Variants in MTHFD1L observed in about 807,000 individuals in gnomAD.
The protein encoded by MTHFD1L is methylenetetrahydrofolate dehydrogenase (NADP+ dependent) 1 like.
A neutral mutation model predicts 119.5 loss-of-function variants in MTHFD1L; 81 were observed. The observed-to-expected ratio is 0.68, with a 90% CI of 0.57 to 0.82. The LOEUF (loss-of-function observed/expected upper bound fraction) is 0.82, where lower values mean the gene tolerates loss of function less well. Ranked by LOEUF, MTHFD1L falls within the 40% of genes least tolerant of loss-of-function variation. The pLI is 0.00. For synonymous variants in MTHFD1L, 430 were observed against 475.2 expected (o/e 0.90, Z 1.24); for missense variants, 1,125 against 1,253.4 (o/e 0.90, Z 1.55).
At chr6:151,021,986 T>C (rs1416247956) in intron 24 of MTHFD1L, 1 of 470,936 alleles carries the variant, frequency 2.1e-6, no homozygotes, top group Non-Finnish European at 4.4e-6. Flanking sequence ...GACAGGATAG[T>C]GTTTGTTTTT....
intron 20 of MTHFD1L, among the ~76,000 whole-genome samples, chr6:150,977,527 A>G (rs963881660): frequency 6.6e-6 from 1 of 152,244 alleles, no homozygotes; most frequent in Non-Finnish European, 1.5e-5. Context: ...GATATTTGGC[A>G]TCGAATTCTA....
chr6:151,015,563 G>T lies in MTHFD1L; in HGVS notation c.2456G>T (p.Arg819Leu). Residue 819 changes from arginine (R) to leucine (L), a missense_variant, in exon 24 of 28, where the codon CGG becomes CTG. By Grantham distance (102) the Arg-to-Leu change is moderately radical. This residue lies in a region of MTHFD1L where 1,058 missense variants were observed against 1,151.2 expected (regional missense o/e 0.92). Coordinates refer to ENST00000367321, the MANE Select transcript of MTHFD1L (RefSeq NM_015440.5). ...GACTTGGTGTGTGAGCTTGCAAAGC[G>T]GGCTGGTGCCTTTGATGCAGTCCCC... is the stretch of plus-strand genomic sequence containing the variant. ...EIDLVCELAK[R>L]AGAFDAVPCY... 1 of 1,614,110 alleles carries T rather than the reference G, an allele frequency of 6.2e-7. No individual in the cohort carries two copies. Among genetic ancestry groups the T allele is most frequent in the East Asian group, 2.2e-5 (1 of 44,878 alleles).
chr6:150,996,168 C>G (rs563586463), intron 20 of MTHFD1L, among the ~76,000 whole-genome samples: 3 of 152,120 alleles, frequency 2.0e-5, no homozygotes, highest in Admixed American at 2.0e-4. Context: ...GAACAGGCAG[C>G]AGGGTGCCTT....
At chr6:150,942,489 A>G (rs1045924812) in intron 13 of MTHFD1L, among the ~76,000 whole-genome samples, 4 of 152,178 alleles carry the variant, frequency 2.6e-5, no homozygotes, top group Non-Finnish European at 4.4e-5. Flanking sequence ...AAATAAATTC[A>G]TTTTTAGTGT....
At chr6:151,086,862 GC>G (rs1263716175) in intron 26 of MTHFD1L, among the ~76,000 whole-genome samples, 1 of 152,090 alleles carries the variant, frequency 6.6e-6, no homozygotes, top group Non-Finnish European at 1.5e-5. Flanking sequence ...ATATTGCCAG[GC>G]ACCGTGTTAA....
At chr6:151,041,122 A>G (rs1305419658) in intron 26 of MTHFD1L, among the ~76,000 whole-genome samples, 1 of 152,176 alleles carries the variant, frequency 6.6e-6, no homozygotes, top group Admixed American at 6.5e-5. Flanking sequence ...GGGCATGAGG[A>G]AGGGAGTGGT....
At chr6:151,100,509 C>T (rs947650289) in intron 27 of MTHFD1L, among the ~76,000 whole-genome samples, 1 of 152,130 alleles carries the variant, frequency 6.6e-6, no homozygotes, top group Non-Finnish European at 1.5e-5. Flanking sequence ...CGCAGGATTT[C>T]AGCAGAGTTT....
At chr6:150,902,984 A>G (rs116123755) in intron 7 of MTHFD1L, among the ~76,000 whole-genome samples, 1 of 152,150 alleles carries the variant, frequency 6.6e-6, no homozygotes, top group Admixed American at 6.5e-5. Flanking sequence ...AAGCTTAAAC[A>G]TTTGTATTTC....
At chr6:151,052,543 G>A (rs1432235507) in intron 26 of MTHFD1L, among the ~76,000 whole-genome samples, 1 of 152,206 alleles carries the variant, frequency 6.6e-6, no homozygotes, top group Non-Finnish European at 1.5e-5. Context: ...TATGACTCAG[G>A]CAGGGTGGCA....
At chr6:151,018,039 G>A (rs903540430) in intron 24 of MTHFD1L, among the ~76,000 whole-genome samples, 4 of 152,002 alleles carry the variant, frequency 2.6e-5, no homozygotes, top group Non-Finnish European at 5.9e-5. Context: ...GAAGACCTGA[G>A]CTTCCCAGGG....
At chr6:151,015,722 A>G (rs1403131918) in intron 24 of MTHFD1L, 29 bp downstream of exon 24, 3 of 1,606,560 alleles carry the variant, frequency 1.9e-6, no homozygotes, top group Admixed American at 3.4e-5. Flanking sequence ...AATGGCTCAC[A>G]TTTCTTACAC....
chr6:151,096,109 C>T (rs1200038082), intron 27 of MTHFD1L, among the ~76,000 whole-genome samples: 2 of 152,098 alleles, frequency 1.3e-5, no homozygotes, highest in Non-Finnish European at 2.9e-5. Context: ...GAACTTTGGC[C>T]CATTCCGAAA....
At chr6:151,013,169 C>T (rs1452909575) in intron 21 of MTHFD1L, among the ~76,000 whole-genome samples, 2 of 152,144 alleles carry the variant, frequency 1.3e-5, no homozygotes, top group East Asian at 3.9e-4. Context: ...TGCTTGAGCC[C>T]AAGAGTTCGA....
intron 26 of MTHFD1L, among the ~76,000 whole-genome samples, chr6:151,049,614 A>T (rs1179607837): frequency 6.7e-6 from 1 of 149,850 alleles, no homozygotes; most frequent in African/African-American, 2.5e-5. Context: ...GTGAGTTGAG[A>T]TCCTGCCACT....
intron 13 of MTHFD1L, among the ~76,000 whole-genome samples, chr6:150,940,655 G>C (rs796736696): frequency 2.4e-4 from 37 of 151,830 alleles, no homozygotes; most frequent in African/African-American, 7.0e-4. Context: ...ATCTCGGCTC[G>C]CTGCAACCTC....
At chr6:150,893,487 C>T (rs952894010) in intron 7 of MTHFD1L, among the ~76,000 whole-genome samples, 11 of 152,126 alleles carry the variant, frequency 7.2e-5, no homozygotes, top group African/African-American at 1.4e-4. Flanking sequence ...AGAGAATAAG[C>T]TTAGGATTAT....
At chr6:151,058,842 T>G (rs1271165532) in intron 26 of MTHFD1L, among the ~76,000 whole-genome samples, 1 of 151,270 alleles carries the variant, frequency 6.6e-6, no homozygotes, top group Non-Finnish European at 1.5e-5. Context: ...CCAGGCTAAT[T>G]TTTTTTGTAT....
chr6:150,896,653 G>C (rs1356879084), intron 7 of MTHFD1L, among the ~76,000 whole-genome samples: 2 of 152,152 alleles, frequency 1.3e-5, no homozygotes, highest in Non-Finnish European at 2.9e-5. Flanking sequence ...TCTTGCTTCT[G>C]TCTGATCATT....
intron 10 of MTHFD1L, 133 bp from the exon 11 acceptor site, chr6:150,925,989 C>G (rs1240650685): frequency 1.2e-5 from 8 of 694,646 alleles, no homozygotes; most frequent in Non-Finnish European, 1.9e-5. Flanking sequence ...GTGCTTATTA[C>G]TGCCTGGGAG....
Sources: gnomAD v4.1 joint callset for allele counts (sites outside exome capture counted in the v4.1 genomes callset) on GRCh38, gnomAD v4.1.1 for gene constraint, gnomAD v4.1.1 regional missense constraint, MANE v1.5 for transcripts, NCBI Gene and HGNC (gene_info 2026-07-23, HGNC 2026-07-21) for gene names.